The following USP49 variants were observed in gnomAD, a reference collection of about 807,000 sequenced individuals.
USP49 encodes the protein ubiquitin carboxyl-terminal hydrolase 49.
USP49 carries 24 observed loss-of-function variants against 58.6 expected under a neutral mutation model. That is an observed-to-expected ratio of 0.41 (90% CI 0.30 to 0.58). The LOEUF (loss-of-function observed/expected upper bound fraction) is 0.58. USP49 is among the 20% of genes least tolerant of loss of function. The probability of loss-of-function intolerance (pLI) is 0.30; values close to 1 mark genes in which losing one functional copy is unlikely to be tolerated. For synonymous variants in USP49, 408 were observed against 365.1 expected (o/e 1.12, Z -1.34); for missense variants, 703 against 866.1 (o/e 0.81, Z 2.36).
At chr6:41,853,673 G>A in intron 3 of USP49, among the ~76,000 whole-genome samples, 1 of 152,086 alleles carries the variant, frequency 6.6e-6, no homozygotes. Flanking sequence ...CCATCTCAAG[G>A]TACCAAGGCA....
chr6:41,807,703 A>G (rs748734086), intron 3 of USP49, among the ~76,000 whole-genome samples: 1 of 151,882 alleles, frequency 6.6e-6, no homozygotes, highest in Non-Finnish European at 1.5e-5. Flanking sequence ...CGGCATTCCA[A>G]AGTGCTGGGA....
In USP49 at chr6:41,798,853, A is replaced by G. The variant is rs778315258; in HGVS notation, c.1747T>C (p.Cys583Arg). ...FDQVLTMEPY[C>R]CRDMLSSLDK... ...AGAGAGGAGAGCATGTCCCTGCAGC[A>G]GTAAGGTTCCATGGTTAATACCTGG... is the stretch of plus-strand genomic sequence containing the variant. Residue 583 changes from cysteine (C) to arginine (R), a missense_variant, in exon 7 of 8, where the codon TGC becomes CGC. Physicochemically the swap from Cys to Arg is radical, Grantham distance 180. Transcript: ENST00000682992. The G allele has an allele frequency of 6.2e-7, 1 of 1,614,132 alleles. No homozygotes were observed. Among genetic ancestry groups the G allele is most frequent in the Non-Finnish European group, 8.5e-7 (1 of 1,180,016 alleles).
In USP49 at chr6:41,798,704, A is replaced by C. The variant is rs773681855; in HGVS notation, c.1876+20T>G. ...AACCCCTTTCCGTGTCCCCCACCCC[A>C]CAGAGTAAAGCGCACGCACCTCCCT... is the stretch of plus-strand genomic sequence containing the variant. On this transcript the variant is annotated intron_variant, in intron 7 of 7. Coordinates refer to ENST00000682992, the MANE Select transcript of USP49 (RefSeq NM_001286554.2). The C allele has an allele frequency of 6.2e-7, 1 of 1,614,106 alleles. No homozygotes were observed. The highest frequency in any genetic ancestry group is 2.2e-5 in the East Asian group (1 of 44,882).
At chr6:41,867,309 ATAT>A (rs1174283763) in intron 3 of USP49, among the ~76,000 whole-genome samples, 5 of 152,172 alleles carry the variant, frequency 3.3e-5, no homozygotes, top group East Asian at 1.9e-4. Flanking sequence ...TGTCACTCAA[ATAT>A]TATTTAACAG....
intron 3 of USP49, among the ~76,000 whole-genome samples, chr6:41,852,872 T>C (rs1451153184): frequency 1.3e-5 from 2 of 152,218 alleles, no homozygotes; most frequent in African/African-American, 4.8e-5. Context: ...ACACATGAGA[T>C]GGAATATTAT....
At chr6:41,800,502 C>T (rs986457786) in intron 5 of USP49, among the ~76,000 whole-genome samples, 5 of 152,176 alleles carry the variant, frequency 3.3e-5, no homozygotes, top group Non-Finnish European at 5.9e-5. Context: ...TATAATGGAA[C>T]GTGCAGCAGC....
chr6:41,877,565 AT>A (rs34374721), intron 2 of USP49, among the ~76,000 whole-genome samples: 58,372 of 138,166 alleles, frequency 0.42, 11,255 homozygotes, highest in South Asian at 0.52. Flanking sequence ...ATGGGATCCC[AT>A]TTTTTTTTTT....
intron 3 of USP49, among the ~76,000 whole-genome samples, chr6:41,853,854 C>T (rs1774074838): frequency 6.6e-6 from 1 of 151,344 alleles, no homozygotes. Flanking sequence ...ACAAAATTAG[C>T]CAGGCAAGGT....
chr6:41,846,899 A>G (rs1773934140), intron 3 of USP49, among the ~76,000 whole-genome samples: 1 of 152,218 alleles, frequency 6.6e-6, no homozygotes, highest in Non-Finnish European at 1.5e-5. Flanking sequence ...CTGACTGGAC[A>G]GGTTCCAGAG....
intron 3 of USP49, among the ~76,000 whole-genome samples, chr6:41,835,058 A>G (rs1447821709): frequency 6.6e-6 from 1 of 152,158 alleles, no homozygotes; most frequent in African/African-American, 2.4e-5. Context: ...CTAAGCCCAA[A>G]CCACCACTAG....
At chr6:41,850,316 G>A (rs879337761) in intron 3 of USP49, among the ~76,000 whole-genome samples, 1 of 151,658 alleles carries the variant, frequency 6.6e-6, no homozygotes. Context: ...GGTGGCACAC[G>A]CCTCTAGTCC....
At chr6:41,812,441 C>A (rs565736351) in intron 3 of USP49, among the ~76,000 whole-genome samples, 191 of 150,604 alleles carry the variant, frequency 1.3e-3, no homozygotes, top group African/African-American at 4.3e-3. Flanking sequence ...CGCCTGCAAT[C>A]GCAGCACTTT....
chr6:41,843,918 C>T (rs747251134), intron 3 of USP49, among the ~76,000 whole-genome samples: 5 of 152,112 alleles, frequency 3.3e-5, no homozygotes, highest in Non-Finnish European at 5.9e-5. Context: ...GTGGCGGGTG[C>T]GTGTAATCCC....
At chr6:41,813,581 A>G (rs937381578) in intron 3 of USP49, among the ~76,000 whole-genome samples, 2 of 152,122 alleles carry the variant, frequency 1.3e-5, no homozygotes, top group Non-Finnish European at 2.9e-5. Context: ...TTCTGATTTC[A>G]TTTTCTGATC....
At chr6:41,828,697 C>G (rs1437388676) in intron 3 of USP49, among the ~76,000 whole-genome samples, 2 of 152,090 alleles carry the variant, frequency 1.3e-5, no homozygotes, top group Non-Finnish European at 2.9e-5. Context: ...CATCTTTTGT[C>G]ATACATAAGA....
At chr6:41,818,450 G>A (rs947068215) in intron 3 of USP49, among the ~76,000 whole-genome samples, 1 of 152,156 alleles carries the variant, frequency 6.6e-6, no homozygotes, top group Non-Finnish European at 1.5e-5. Context: ...AGATTGGCTG[G>A]GTAAGGATTA....
rs533618168 is a variant in USP49, at chr6:41,792,626, T to C, written c.*3907A>G. 2.6e-5 allele frequency: 4 copies of C among 152,344 alleles called. No individual in the cohort carries two copies. The highest frequency in any genetic ancestry group is 4.4e-5 in the Non-Finnish European group (3 of 68,040). 9.4% of individuals were successfully genotyped at this position (152,344 alleles called of 1,614,324 possible). ...ACAGTCTGCCTTGAAAAGCAGCCAT[T>C]TGATGAACAGTCACAAATACAAAGA... On this transcript the variant is annotated 3_prime_UTR_variant, in exon 8 of 8. Transcript: ENST00000682992.
At position 41,822,317 on chromosome 6, in the gene USP49, G is replaced by A. The variant is rs73424073; in HGVS notation, c.-28-15306C>T. Among the ~76,000 whole-genome samples, 1,355 of 152,140 alleles carry A rather than the reference G, an allele frequency of 8.9e-3. 26 individuals carry two copies. The highest frequency in any genetic ancestry group is 0.031 in the African/African-American group (1,302 of 41,520). ...ACATATACATTAGGAACTGTCTGCA[G>A]AGAAAAAAAGGAACAATTTCTGTGA... On this transcript the variant is annotated intron_variant, in intron 3 of 7. Transcript: ENST00000682992.
In USP49 at chr6:41,793,911, C is replaced by T. The variant is rs564967561; in HGVS notation, c.*2622G>A. On this transcript the variant is annotated 3_prime_UTR_variant, in exon 8 of 8. Coordinates refer to ENST00000682992, the MANE Select transcript of USP49 (RefSeq NM_001286554.2). Reference sequence around the variant, plus strand: ...GGAGAGAAGCAGGCCCATTAAGGTTCGGTTAGGAGACCTTGGGTTTGATTT... The same window carrying T: ...GGAGAGAAGCAGGCCCATTAAGGTTTGGTTAGGAGACCTTGGGTTTGATTT... 1.3e-5 allele frequency: 2 copies of T among 152,302 alleles called. No individual in the cohort carries two copies. The highest frequency in any genetic ancestry group is 1.9e-4 in the East Asian group (1 of 5,190). 9.4% of individuals were successfully genotyped at this position (152,302 alleles called of 1,614,324 possible).
Sources: gnomAD v4.1 joint callset for allele counts (sites outside exome capture counted in the v4.1 genomes callset) on GRCh38, gnomAD v4.1.1 for gene constraint, MANE v1.5 for transcripts, NCBI Gene and HGNC (gene_info 2026-07-23, HGNC 2026-07-21) for gene names.